SERPINB10: variants seen among roughly 807,000 people sequenced by gnomAD.
The protein encoded by SERPINB10 is serpin family B member 10.
In SERPINB10, 35 loss-of-function variants were observed where a neutral mutation model predicts 39.1. That is an observed-to-expected ratio of 0.90 (90% CI 0.68 to 1.19). The LOEUF is 1.19. SERPINB10 is among the 50% of genes most tolerant of loss of function. SERPINB10 has a pLI of 0.00. For synonymous variants in SERPINB10, 190 were observed against 158.1 expected, an observed-to-expected ratio of 1.20 and a Z score of -1.52; for missense variants, 546 against 460.5, an observed-to-expected ratio of 1.19 and a Z score of -1.70.
chr18:63,929,613 C>T (rs890302983), intron 5 of SERPINB10, among the ~76,000 whole-genome samples: 3 of 149,250 alleles, frequency 2.0e-5, no homozygotes, highest in African/African-American at 4.9e-5. Flanking sequence ...TTTTTTACCA[C>T]TATGTTTCAC....
At chr18:63,915,420 C>A in intron 1 of SERPINB10, 82 bp from the exon 2 acceptor site, 2 of 986,760 alleles carry the variant, frequency 2.0e-6, no homozygotes, top group Non-Finnish European at 3.0e-6. Context: ...GATATGTATG[C>A]AACTATGAAT....
At chr18:63,916,913 T>A (rs2050107329) in intron 2 of SERPINB10, among the ~76,000 whole-genome samples, 1 of 152,070 alleles carries the variant, frequency 6.6e-6, no homozygotes, top group African/African-American at 2.4e-5. Context: ...GTTCTATTGT[T>A]GTACAATTCC....
In SERPINB10 at chr18:63,919,921, G is replaced by A. The variant is rs371198437; in HGVS notation, c.490+16G>A. 5.9e-6 allele frequency: 9 copies of A among 1,535,784 alleles called. No homozygotes were observed. Among genetic ancestry groups the A allele is most frequent in the Non-Finnish European group, 8.0e-6 (9 of 1,121,618 alleles). On this transcript the variant is annotated intron_variant, in intron 5 of 7. Transcript: ENST00000238508. ...CAGACCGAGGGTAAGCTTTCACCAAGGGGTTTGGCAGCGTGCTTTTCCCAA... is the reference window on the plus strand; with the variant it reads ...CAGACCGAGGGTAAGCTTTCACCAAAGGGTTTGGCAGCGTGCTTTTCCCAA...
chr18:63,911,497 G>T (rs182112115), intron 1 of SERPINB10, among the ~76,000 whole-genome samples: 3 of 151,872 alleles, frequency 2.0e-5, no homozygotes, highest in Admixed American at 1.3e-4. Context: ...TTCTGGATAT[G>T]GTTAACCAGC....
intron 6 of SERPINB10, among the ~76,000 whole-genome samples, chr18:63,932,399 A>G (rs1048988895): frequency 6.6e-6 from 1 of 152,158 alleles, no homozygotes; most frequent in Non-Finnish European, 1.5e-5. Context: ...CTGTTGCTTC[A>G]TATCGTCATC....
intron 4 of SERPINB10, among the ~76,000 whole-genome samples, chr18:63,918,366 A>G (rs1176307172): frequency 5.9e-5 from 9 of 152,142 alleles, no homozygotes; most frequent in South Asian, 2.1e-4. Context: ...ACATATGGAG[A>G]CTTGGCTGGA....
chr18:63,919,933 C>T (rs201119303), intron 5 of SERPINB10, 28 bp downstream of exon 5: 99 of 1,395,310 alleles, frequency 7.1e-5, no homozygotes, highest in East Asian at 2.8e-4. Flanking sequence ...GGTTTGGCAG[C>T]GTGCTTTTCC....
chr18:63,909,367 TCTACACC>T (rs2050047849), intron 1 of SERPINB10, among the ~76,000 whole-genome samples: 1 of 152,090 alleles, frequency 6.6e-6, no homozygotes, highest in Admixed American at 6.6e-5. Flanking sequence ...ACCTCACAAT[TCTACACC>T]CTTCAGAAAG....
At chr18:63,925,153 T>C (rs2050171986) in intron 5 of SERPINB10, among the ~76,000 whole-genome samples, 1 of 151,980 alleles carries the variant, frequency 6.6e-6, no homozygotes, top group African/African-American at 2.4e-5. Flanking sequence ...AAGGCTACAA[T>C]GAACCCTGTG....
chr18:63,925,304 G>A (rs2050173454), intron 5 of SERPINB10, among the ~76,000 whole-genome samples: 1 of 151,906 alleles, frequency 6.6e-6, no homozygotes, highest in Non-Finnish European at 1.5e-5. Flanking sequence ...TTGCTGAGAG[G>A]ATCTGGAAGC....
rs151084556 is a variant in SERPINB10 at position 63,932,858 on chromosome 18, G to A, written c.634-190G>A. Among the ~76,000 whole-genome samples the A allele has an allele frequency of 1.6e-4, 24 of 152,282 alleles. No homozygotes were observed. The East Asian group carries it at 4.6e-3, about 29-fold the overall frequency. On this transcript the variant is annotated intron_variant, in intron 6 of 7. Coordinates refer to ENST00000238508, the MANE Select transcript of SERPINB10 (RefSeq NM_005024.3). ...GTTAGAAACAGAAACTCACATATCT[G>A]CTATTGCTGATACTTTTCAGTGGAA...
intron 4 of SERPINB10, among the ~76,000 whole-genome samples, chr18:63,919,161 C>A (rs1458247718): frequency 6.6e-6 from 1 of 151,494 alleles, no homozygotes; most frequent in Admixed American, 6.6e-5. Flanking sequence ...TCCATAACAG[C>A]AAACTCAGTC....
chr18:63,910,049 G>T (rs2050052647), intron 1 of SERPINB10, among the ~76,000 whole-genome samples: 1 of 151,994 alleles, frequency 6.6e-6, no homozygotes, highest in Non-Finnish European at 1.5e-5. Context: ...TTGGTTAAGT[G>T]TAAGTTTATG....
intron 6 of SERPINB10, among the ~76,000 whole-genome samples, chr18:63,930,460 G>A (rs768548750): frequency 6.6e-6 from 1 of 152,116 alleles, no homozygotes; most frequent in African/African-American, 2.4e-5. Flanking sequence ...GAGAAATATA[G>A]TGTGGCCAAG....
Position 63,915,549 on chromosome 18 carries a change from G to A in SERPINB10, c.39G>A (p.Leu13=). 4 of 1,612,480 alleles carry A rather than the reference G, an allele frequency of 2.5e-6. No homozygotes were observed. The highest frequency in any genetic ancestry group is 3.4e-6 in the Non-Finnish European group (4 of 1,179,068). The change falls in exon 2 of 8, where the codon CTG becomes CTA. Residue 13 remains leucine (L), a synonymous_variant. Coordinates refer to ENST00000238508, the MANE Select transcript of SERPINB10 (RefSeq NM_005024.3). ...SLATSINQFA[L]ELSKKLAESA... The stretch of plus-strand genomic sequence containing the variant: ...CAACATCAATCAACCAGTTTGCCCT[G>A]GAGTTGAGCAAAAAGCTAGCTGAAT...
intron 1 of SERPINB10, among the ~76,000 whole-genome samples, chr18:63,912,083 TG>T (rs138600995): frequency 8.9e-4 from 136 of 152,142 alleles, no homozygotes; most frequent in African/African-American, 3.2e-3. Flanking sequence ...GCTCCCTGTT[TG>T]AATGTTATTG....
chr18:63,927,787 T>C (rs2050191274), intron 5 of SERPINB10, among the ~76,000 whole-genome samples: 1 of 152,156 alleles, frequency 6.6e-6, no homozygotes, highest in South Asian at 2.1e-4. Flanking sequence ...ATTAGATTTA[T>C]TTACTAAAAT....
chr18:63,927,083 A>G (rs918940693), intron 5 of SERPINB10, among the ~76,000 whole-genome samples: 6 of 151,906 alleles, frequency 3.9e-5, no homozygotes, highest in Non-Finnish European at 8.8e-5. Context: ...TTCCTTTTAT[A>G]TAATATCTCA....
At chr18:63,919,010 T>C (rs2144725829) in intron 4 of SERPINB10, among the ~76,000 whole-genome samples, 1 of 152,162 alleles carries the variant, frequency 6.6e-6, no homozygotes, top group East Asian at 1.9e-4. Flanking sequence ...CCACAGAATT[T>C]AGACTTCATA....
Sources: gnomAD v4.1 joint callset for allele counts (sites outside exome capture counted in the v4.1 genomes callset) on GRCh38, gnomAD v4.1.1 for gene constraint, MANE v1.5 for transcripts, NCBI Gene and HGNC (gene_info 2026-07-23, HGNC 2026-07-21) for gene names.